Variants in CNTN5 observed in about 807,000 individuals in gnomAD.
The protein encoded by CNTN5 is contactin 5, also known as contactin-5.
Under a neutral mutation model 129.1 loss-of-function variants are expected in CNTN5, and 77 were observed. The ratio of observed to expected loss-of-function variants is 0.60; its 90% CI spans 0.50 to 0.72. CNTN5 has a LOEUF of 0.72. CNTN5 is among the 30% of genes least tolerant of loss of function. The pLI, the probability that CNTN5 is intolerant of heterozygous loss-of-function variation, is 0.00. For synonymous variants in CNTN5, 509 were observed against 465.6 expected, an observed-to-expected ratio of 1.09 and a Z score of -1.20; for missense variants, 1,478 against 1,328.8, an observed-to-expected ratio of 1.11 and a Z score of -1.75.
At chr11:99,309,313 C>G (rs1201597413) in intron 1 of CNTN5, among the ~76,000 whole-genome samples, 1 of 151,152 alleles carries the variant, frequency 6.6e-6, no homozygotes, top group African/African-American at 2.4e-5. Context: ...AAAAATGTTT[C>G]ACTTTGTTCT....
At chr11:99,793,690 C>G (rs533388716) in intron 3 of CNTN5, among the ~76,000 whole-genome samples, 1 of 152,248 alleles carries the variant, frequency 6.6e-6, no homozygotes, top group Admixed American at 6.5e-5. Flanking sequence ...CCAGAAGTCG[C>G]TCAGGAGCAG....
intron 3 of CNTN5, among the ~76,000 whole-genome samples, chr11:99,701,935 GA>G (rs1954539795): frequency 6.6e-6 from 1 of 150,880 alleles, no homozygotes; most frequent in Non-Finnish European, 1.5e-5. Context: ...ATTCTACTGT[GA>G]AAAAGCATTC....
At chr11:100,093,522 C>T (rs1247079797) in intron 13 of CNTN5, among the ~76,000 whole-genome samples, 1 of 152,060 alleles carries the variant, frequency 6.6e-6, no homozygotes, top group African/African-American at 2.4e-5. Context: ...CCACTTCAAC[C>T]TCCCAAAGTT....
At chr11:99,621,495 GTTTT>G (rs1950949068) in intron 3 of CNTN5, among the ~76,000 whole-genome samples, 3 of 151,906 alleles carry the variant, frequency 2.0e-5, no homozygotes, top group Non-Finnish European at 4.4e-5. Context: ...TGAGAACACT[GTTTT>G]CATTTCAAGA....
At chr11:99,126,742 C>A (rs551872514) in intron 1 of CNTN5, among the ~76,000 whole-genome samples, 2 of 152,136 alleles carry the variant, frequency 1.3e-5, no homozygotes, top group African/African-American at 4.8e-5. Context: ...ACATTCCTGT[C>A]GGTTATTATC....
chr11:99,646,511 C>G (rs961574753), intron 3 of CNTN5, among the ~76,000 whole-genome samples: 2 of 152,142 alleles, frequency 1.3e-5, no homozygotes, highest in African/African-American at 2.4e-5. Context: ...GTATTTTCCA[C>G]ATCTCTGTCA....
chr11:99,538,127 C>T (rs1494466), intron 2 of CNTN5, among the ~76,000 whole-genome samples: 71,774 of 151,952 alleles, frequency 0.47, 17,195 homozygotes, highest in African/African-American at 0.5. Context: ...TGTAGTAAAA[C>T]CTTGAGACAG....
chr11:99,372,004 A>G (rs1483901579), intron 2 of CNTN5, among the ~76,000 whole-genome samples: 2 of 152,224 alleles, frequency 1.3e-5, no homozygotes, highest in South Asian at 2.1e-4. Flanking sequence ...AATTATTGAC[A>G]ATACAAGTGG....
chr11:99,661,798 T>C (rs1403484415), intron 3 of CNTN5, among the ~76,000 whole-genome samples: 1 of 152,088 alleles, frequency 6.6e-6, no homozygotes, highest in Non-Finnish European at 1.5e-5. Flanking sequence ...ACACATAGGT[T>C]TCAGAGGTAT....
chr11:100,086,592 C>T (rs1273302640), intron 13 of CNTN5, among the ~76,000 whole-genome samples: 1 of 150,650 alleles, frequency 6.6e-6, no homozygotes, highest in Non-Finnish European at 1.5e-5. Flanking sequence ...TAATAGAAAG[C>T]ATAAAATAAT....
chr11:99,987,548 T>C (rs12295954), intron 8 of CNTN5, among the ~76,000 whole-genome samples: 9,800 of 145,070 alleles, frequency 0.068, 550 homozygotes, highest in African/African-American at 0.14. Flanking sequence ...TATATACACA[T>C]ACACACACAC....
intron 1 of CNTN5, among the ~76,000 whole-genome samples, chr11:99,209,985 C>G (rs1176809961): frequency 6.6e-6 from 1 of 152,120 alleles, no homozygotes; most frequent in Non-Finnish European, 1.5e-5. Context: ...TAAAACCTAT[C>G]AAAGTTCCAT....
intron 21 of CNTN5, among the ~76,000 whole-genome samples, chr11:100,323,016 C>T (rs796993228): frequency 1.3e-5 from 2 of 152,270 alleles, no homozygotes; most frequent in Admixed American, 6.5e-5. Context: ...TATTGTTTCA[C>T]AGAACATATC....
intron 1 of CNTN5, among the ~76,000 whole-genome samples, chr11:99,238,546 A>C (rs1861389734): frequency 6.6e-6 from 1 of 152,174 alleles, no homozygotes; most frequent in Admixed American, 6.5e-5. Context: ...GTTAAGTAAA[A>C]ATTTCATAAT....
chr11:99,975,546 T>C (rs549679390), intron 8 of CNTN5, among the ~76,000 whole-genome samples: 1 of 152,126 alleles, frequency 6.6e-6, no homozygotes, highest in Non-Finnish European at 1.5e-5. Flanking sequence ...TTTAATTGAC[T>C]CACAGATCCA....
chr11:99,661,831 G>T (rs1952604022), intron 3 of CNTN5, among the ~76,000 whole-genome samples: 1 of 152,022 alleles, frequency 6.6e-6, no homozygotes, highest in African/African-American at 2.4e-5. Context: ...TCAAAAACTA[G>T]GTACAGGTAC....
At chr11:99,498,732 A>G (rs1418745109) in intron 2 of CNTN5, among the ~76,000 whole-genome samples, 1 of 152,170 alleles carries the variant, frequency 6.6e-6, no homozygotes, top group African/African-American at 2.4e-5. Flanking sequence ...TTAGGGAAAA[A>G]TGATGCCTCA....
intron 6 of CNTN5, among the ~76,000 whole-genome samples, chr11:99,868,715 T>C (rs946144796): frequency 2.6e-4 from 40 of 152,100 alleles, no homozygotes; most frequent in African/African-American, 9.2e-4. Flanking sequence ...GTAAGGAAGA[T>C]TGACTGTTGG....
intron 2 of CNTN5, among the ~76,000 whole-genome samples, chr11:99,471,239 T>C (rs1945160358): frequency 6.6e-6 from 1 of 152,006 alleles, no homozygotes; most frequent in African/African-American, 2.4e-5. Context: ...TATACCCCCA[T>C]AAAGTAGCCA....
Sources: gnomAD v4.1 joint callset for allele counts (sites outside exome capture counted in the v4.1 genomes callset) on GRCh38, gnomAD v4.1.1 for gene constraint, MANE v1.5 for transcripts, NCBI Gene and HGNC (gene_info 2026-07-23, HGNC 2026-07-21) for gene names.